The following EYS variants were observed in gnomAD, a reference collection of about 807,000 sequenced individuals.
EYS encodes protein eyes shut homolog.
EYS carries 250 observed loss-of-function variants against 282.1 expected under a neutral mutation model. That is an observed-to-expected ratio of 0.89 (90% CI 0.80 to 0.98). EYS has a LOEUF of 0.98. Ranked by LOEUF, EYS falls within the 50% of genes least tolerant of loss-of-function variation. EYS has a pLI of 0.00. For synonymous variants in EYS, 1,355 were observed against 1,282.9 expected, an observed-to-expected ratio of 1.06 and a Z score of -1.20; for missense variants, 4,016 against 3,709.0, an observed-to-expected ratio of 1.08 and a Z score of -2.15.
intron 13 of EYS, among the ~76,000 whole-genome samples, chr6:65,002,813 T>A (rs1476169832): frequency 6.8e-6 from 1 of 147,592 alleles, no homozygotes; most frequent in Non-Finnish European, 1.5e-5. Context: ...ATTAATACTT[T>A]TATAATTTCT....
chr6:64,309,956 T>A (rs1266803100), intron 29 of EYS, among the ~76,000 whole-genome samples: 2 of 87,854 alleles, frequency 2.3e-5, no homozygotes, highest in Non-Finnish European at 4.8e-5. Context: ...AGAGCAAGAC[T>A]CCATGAAAAA....
At chr6:65,643,278 T>G (rs1012326137) in intron 1 of EYS, among the ~76,000 whole-genome samples, 1 of 152,132 alleles carries the variant, frequency 6.6e-6, no homozygotes, top group Non-Finnish European at 1.5e-5. Flanking sequence ...CCCACTTCTT[T>G]GGTGACCTGT....
intron 31 of EYS, among the ~76,000 whole-genome samples, chr6:64,148,217 T>C (rs1229651345): frequency 6.6e-6 from 1 of 152,200 alleles, no homozygotes; most frequent in Non-Finnish European, 1.5e-5. Flanking sequence ...TCTATATATG[T>C]ATATGTGTAT....
chr6:65,016,305 G>A (rs935566981), intron 13 of EYS, among the ~76,000 whole-genome samples: 1 of 152,062 alleles, frequency 6.6e-6, no homozygotes, highest in Non-Finnish European at 1.5e-5. Flanking sequence ...AGTTCATTAT[G>A]ATAAACTTCA....
chr6:65,565,926 C>T (rs1035927980), intron 2 of EYS, among the ~76,000 whole-genome samples: 9 of 151,902 alleles, frequency 5.9e-5, no homozygotes, highest in African/African-American at 9.7e-5. Flanking sequence ...GGGAGGGGAA[C>T]ATCACACACC....
intron 26 of EYS, among the ~76,000 whole-genome samples, chr6:64,478,299 G>C (rs1406252067): frequency 6.6e-6 from 1 of 151,560 alleles, no homozygotes; most frequent in African/African-American, 2.4e-5. Flanking sequence ...AAAATTTTAG[G>C]GGCTAGAACT....
At chr6:64,309,640 G>A (rs143999888) in intron 29 of EYS, among the ~76,000 whole-genome samples, 1 of 151,784 alleles carries the variant, frequency 6.6e-6, no homozygotes, top group Non-Finnish European at 1.5e-5. Flanking sequence ...CTTTTCCAAA[G>A]AAGACAGACA....
chr6:64,162,843 A>G (rs924070488), intron 31 of EYS, among the ~76,000 whole-genome samples: 1 of 152,170 alleles, frequency 6.6e-6, no homozygotes, highest in African/African-American at 2.4e-5. Context: ...AATTGTTTGT[A>G]TTATTCATTT....
intron 1 of EYS, among the ~76,000 whole-genome samples, chr6:65,654,693 T>C (rs1404778048): frequency 6.6e-6 from 1 of 151,698 alleles, no homozygotes; most frequent in Non-Finnish European, 1.5e-5. Context: ...CTCACAAGTA[T>C]TGTTCACTGA....
At chr6:64,843,680 G>C (rs978134988) in intron 19 of EYS, among the ~76,000 whole-genome samples, 1 of 152,074 alleles carries the variant, frequency 6.6e-6, no homozygotes, top group African/African-American at 2.4e-5. Context: ...CAGACTCATA[G>C]GCAGAAGGGA....
chr6:64,979,459 T>C (rs1770582670), intron 14 of EYS, among the ~76,000 whole-genome samples: 1 of 151,618 alleles, frequency 6.6e-6, no homozygotes, highest in Non-Finnish European at 1.5e-5. Flanking sequence ...AGAGGAATCA[T>C]AATGGCTTTC....
intron 19 of EYS, among the ~76,000 whole-genome samples, chr6:64,852,690 A>C (rs192869392): frequency 5.3e-5 from 8 of 152,228 alleles, no homozygotes; most frequent in African/African-American, 1.7e-4. Context: ...AGATTGGGTG[A>C]AGACATGGAG....
At chr6:64,175,002 A>G (rs1245233511) in intron 31 of EYS, among the ~76,000 whole-genome samples, 2 of 152,140 alleles carry the variant, frequency 1.3e-5, no homozygotes, top group Non-Finnish European at 2.9e-5. Context: ...AATACTGCAT[A>G]TAAGTTACTG....
chr6:64,371,482 T>C (rs918121816), intron 29 of EYS, among the ~76,000 whole-genome samples: 1 of 152,128 alleles, frequency 6.6e-6, no homozygotes, highest in Admixed American at 6.5e-5. Flanking sequence ...GAAGAAGGCA[T>C]ATTCTGTTGG....
intron 16 of EYS, among the ~76,000 whole-genome samples, chr6:64,909,862 A>G (rs1767939173): frequency 6.6e-6 from 1 of 152,160 alleles, no homozygotes; most frequent in Non-Finnish European, 1.5e-5. Flanking sequence ...TAAACCCAAA[A>G]GTATCAGTTA....
intron 32 of EYS, among the ~76,000 whole-genome samples, chr6:64,073,420 A>G (rs2149861368): frequency 6.6e-6 from 1 of 151,894 alleles, no homozygotes; most frequent in Admixed American, 6.6e-5. Context: ...ACTTTGTATC[A>G]TGTAACCCTA....
In EYS at chr6:64,056,564, G is replaced by T. The variant is rs991059514; in HGVS notation, c.6725+9774C>A. Among the ~76,000 whole-genome samples the T allele has an allele frequency of 4.6e-5, 7 of 152,174 alleles. No homozygotes were observed. The East Asian group carries it at 5.8e-4, about 13-fold the overall frequency. On this transcript the variant is annotated intron_variant, in intron 33 of 42. Transcript: ENST00000503581. Reference sequence around the variant, plus strand: ...TTTCCCTGAGGCTAAGGTGCCAGACGAATTGGGATTCTCCTTCAACCTAAT... The same window carrying T: ...TTTCCCTGAGGCTAAGGTGCCAGACTAATTGGGATTCTCCTTCAACCTAAT...
intron 35 of EYS, among the ~76,000 whole-genome samples, chr6:63,936,747 A>G (rs997590448): frequency 6.6e-6 from 1 of 152,238 alleles, no homozygotes; most frequent in Non-Finnish European, 1.5e-5. Flanking sequence ...TTTTAATGCT[A>G]CTAACAATCT....
chr6:65,192,991 T>C (rs1765678785), intron 12 of EYS, among the ~76,000 whole-genome samples: 1 of 151,802 alleles, frequency 6.6e-6, no homozygotes, highest in African/African-American at 2.4e-5. Context: ...CACTATGCTA[T>C]TGAATATTAG....
Sources: allele counts gnomAD v4.1 joint callset (sites outside exome capture counted in the v4.1 genomes callset), GRCh38; gene constraint gnomAD v4.1.1; transcripts MANE v1.5; gene names NCBI Gene and HGNC (gene_info 2026-07-23, HGNC 2026-07-21).